Variants in LRFN5 observed in about 807,000 individuals in gnomAD.
The protein encoded by LRFN5 is leucine rich repeat and fibronectin type III domain containing 5, also known as leucine-rich repeat and fibronectin type-III domain-containing protein 5.
Under a neutral mutation model 45.6 loss-of-function variants are expected in LRFN5, and 24 were observed. That is an observed-to-expected ratio of 0.53 (90% CI 0.38 to 0.74). The LOEUF (loss-of-function observed/expected upper bound fraction) is 0.74. LRFN5 is among the 30% of genes least tolerant of loss of function. The pLI, the probability that LRFN5 is intolerant of heterozygous loss-of-function variation, is 0.00. For missense variants in LRFN5, 776 were observed against 861.5 expected, an observed-to-expected ratio of 0.90 and a Z score of 1.24; for synonymous variants, 340 against 313.8, an observed-to-expected ratio of 1.08 and a Z score of -0.88.
At chr14:41,793,446 A>G (rs1051474235) in intron 2 of LRFN5, among the ~76,000 whole-genome samples, 1 of 152,080 alleles carries the variant, frequency 6.6e-6, no homozygotes, top group African/African-American at 2.4e-5. Flanking sequence ...TAACTTTTGG[A>G]ATATAATTTT....
chr14:41,759,031 C>T (rs1220100250), intron 1 of LRFN5, among the ~76,000 whole-genome samples: 1 of 152,042 alleles, frequency 6.6e-6, no homozygotes, highest in Non-Finnish European at 1.5e-5. Flanking sequence ...TATTCCTGGA[C>T]CTCAAAGAGC....
At chr14:41,647,262 A>T (rs1253176043) in intron 1 of LRFN5, among the ~76,000 whole-genome samples, 1 of 152,172 alleles carries the variant, frequency 6.6e-6, no homozygotes, top group African/African-American at 2.4e-5. Flanking sequence ...AAACAATATG[A>T]CAAATGCCTA....
At chr14:41,674,518 C>G (rs1216109092) in intron 1 of LRFN5, among the ~76,000 whole-genome samples, 3 of 141,476 alleles carry the variant, frequency 2.1e-5, no homozygotes, top group African/African-American at 8.3e-5. Context: ...ACCCCTCCAC[C>G]TCTCTCCAGG....
intron 2 of LRFN5, among the ~76,000 whole-genome samples, chr14:41,861,460 A>C (rs75201626): frequency 6.6e-6 from 1 of 152,186 alleles, no homozygotes; most frequent in African/African-American, 2.4e-5. Flanking sequence ...ATGTATTTTG[A>C]TGTTAAAATT....
intron 1 of LRFN5, among the ~76,000 whole-genome samples, chr14:41,693,443 C>T (rs1272797358): frequency 6.6e-6 from 1 of 152,036 alleles, no homozygotes; most frequent in Non-Finnish European, 1.5e-5. Context: ...CTCCAAAATA[C>T]ATGTTATGTT....
chr14:41,888,735 A>G (rs1890668353), intron 3 of LRFN5, among the ~76,000 whole-genome samples: 1 of 152,164 alleles, frequency 6.6e-6, no homozygotes, highest in South Asian at 2.1e-4. Flanking sequence ...TATCACTGGA[A>G]TTAGGTATGT....
At chr14:41,785,357 C>T (rs1886680897) in intron 2 of LRFN5, among the ~76,000 whole-genome samples, 1 of 151,800 alleles carries the variant, frequency 6.6e-6, no homozygotes, top group Admixed American at 6.6e-5. Context: ...CTTTTCTTGC[C>T]TTCTTTGAAA....
At chr14:41,636,898 C>T (rs552690141) in intron 1 of LRFN5, among the ~76,000 whole-genome samples, 153 of 152,262 alleles carry the variant, frequency 1.0e-3, no homozygotes, top group African/African-American at 3.4e-3. Context: ...TGTGGGACCC[C>T]CCTAGAGGCA....
chr14:41,894,608 A>C (rs779485121), intron 4 of LRFN5: 78 of 979,774 alleles, frequency 8.0e-5, no homozygotes, highest in Non-Finnish European at 9.2e-5. Flanking sequence ...CATATGAAGA[A>C]ATTTTTGCTT....
chr14:41,694,917 C>A lies in LRFN5; in HGVS notation c.-196-71937C>A, dbSNP rs551881476. ...AAGTCCAATGTCTCTCAGTATAAATCAAAAACTAGACATGATTAAGCTTAG... is the reference window on the plus strand; with the variant it reads ...AAGTCCAATGTCTCTCAGTATAAATAAAAAACTAGACATGATTAAGCTTAG... On this transcript the variant is annotated intron_variant, in intron 1 of 5. Coordinates refer to ENST00000298119, the MANE Select transcript of LRFN5 (RefSeq NM_152447.5). 2.3e-3 allele frequency among the ~76,000 whole-genome samples: 353 copies of A among 151,922 alleles called. 2 individuals carry two copies. Among genetic ancestry groups the A allele is most frequent in the African/African-American group, 8.3e-3 (344 of 41,498 alleles).
At chr14:41,902,832 T>G (rs983848110) in intron 5 of LRFN5, among the ~76,000 whole-genome samples, 2 of 151,714 alleles carry the variant, frequency 1.3e-5, no homozygotes, top group African/African-American at 4.8e-5. Flanking sequence ...GTATATCACT[T>G]GAAATATAAA....
Position 41,862,861 on chromosome 14 carries a change from CTTTTTTTT to C in LRFN5, c.-20-23731_-20-23724del, listed in dbSNP as rs536861522. Among the ~76,000 whole-genome samples, 5 of 110,230 alleles carry C rather than the reference CTTTTTTTT, an allele frequency of 4.5e-5. No homozygotes were observed. The East Asian group carries it at 8.2e-4, about 18-fold the overall frequency. 72.3% of individuals were successfully genotyped at this position (110,230 alleles called of 152,430 possible). On this transcript the variant is annotated intron_variant, in intron 2 of 5. Transcript: ENST00000298119. ...TCATGAAGTGCTTATTTAAGTCTCT[CTTTTTTTT>C]TTTTTTTTTTTTTGATACGGAGTCT...
chr14:41,773,109 G>A (rs1886149593), intron 2 of LRFN5, among the ~76,000 whole-genome samples: 1 of 152,072 alleles, frequency 6.6e-6, no homozygotes, highest in Non-Finnish European at 1.5e-5. Context: ...ATTTAACATG[G>A]CTTACAATGT....
At chr14:41,870,418 A>G (rs1022257281) in intron 2 of LRFN5, among the ~76,000 whole-genome samples, 1 of 152,194 alleles carries the variant, frequency 6.6e-6, no homozygotes, top group African/African-American at 2.4e-5. Context: ...TAATTGACTC[A>G]CAGTTCCACA....
chr14:41,803,629 G>A (rs1887417433), intron 2 of LRFN5, among the ~76,000 whole-genome samples: 1 of 151,996 alleles, frequency 6.6e-6, no homozygotes, highest in African/African-American at 2.4e-5. Context: ...TTACAGGGAT[G>A]AGCCACCATA....
At chr14:41,822,266 C>G (rs1394178839) in intron 2 of LRFN5, among the ~76,000 whole-genome samples, 3 of 151,756 alleles carry the variant, frequency 2.0e-5, no homozygotes, top group African/African-American at 7.3e-5. Context: ...GTCTTGTGAT[C>G]TTTTCTATCC....
At chr14:41,704,428 C>CTGTGTGTG (rs1194463733) in intron 1 of LRFN5, among the ~76,000 whole-genome samples, 35 of 42,434 alleles carry the variant, frequency 8.2e-4, no homozygotes, top group African/African-American at 5.8e-3. Flanking sequence ...CTCTCTCTCT[C>CTGTGTGTG]TCTCTCTCTC....
At chr14:41,879,524 T>C (rs962864988) in intron 2 of LRFN5, among the ~76,000 whole-genome samples, 40 of 151,592 alleles carry the variant, frequency 2.6e-4, no homozygotes, top group African/African-American at 9.2e-4. Flanking sequence ...TTTCTATATA[T>C]GTGTATTTAT....
intron 1 of LRFN5, among the ~76,000 whole-genome samples, chr14:41,614,567 C>T (rs537080540): frequency 7.6e-4 from 116 of 152,066 alleles, no homozygotes; most frequent in African/African-American, 2.6e-3. Context: ...TGATGTTCTA[C>T]GCTTTGTAGT....
Sources: gnomAD v4.1 joint callset for allele counts (sites outside exome capture counted in the v4.1 genomes callset) on GRCh38, gnomAD v4.1.1 for gene constraint, MANE v1.5 for transcripts, NCBI Gene and HGNC (gene_info 2026-07-23, HGNC 2026-07-21) for gene names.